SPAG16: variants seen among roughly 807,000 people sequenced by gnomAD.
The protein encoded by SPAG16 is sperm-associated antigen 16 protein.
SPAG16 carries 86 observed loss-of-function variants against 80.4 expected under a neutral mutation model. The observed-to-expected ratio is 1.07, with a 90% confidence interval of 0.90 to 1.28. SPAG16 has a LOEUF of 1.28. Ranked by LOEUF, SPAG16 falls within the 50% of genes most tolerant of loss-of-function variation. The pLI, the probability that SPAG16 is intolerant of heterozygous loss-of-function variation, is 0.00. For missense variants in SPAG16, 870 were observed against 765.3 expected (o/e 1.14, Z -1.61); for synonymous variants, 294 against 265.9 (o/e 1.11, Z -1.03).
chr2:213,285,780 T>C (rs1257618462), intron 1 of SPAG16: 2 of 587,560 alleles, frequency 3.4e-6, no homozygotes, highest in Non-Finnish European at 5.3e-6. Flanking sequence ...AATATATGGG[T>C]GCTTTAGTGT....
chr2:213,895,045 A>T lies in SPAG16; in HGVS notation c.1214+32417A>T, dbSNP rs192233293. ...CTGAAAGACTCTACCAAAAAACAGT[A>T]AGAATTGATAAATGAATTCAGTAAA... On this transcript the variant is annotated intron_variant, in intron 11 of 15. Transcript: ENST00000331683. Among the ~76,000 whole-genome samples the T allele has an allele frequency of 6.6e-5, 10 of 150,576 alleles. No homozygotes were observed. The East Asian group carries it at 2.0e-3, about 30-fold the overall frequency.
Position 213,797,794 on chromosome 2 carries a change from T to C in SPAG16, c.1071-64691T>C, listed in dbSNP as rs562360068. ...GCTGCTGTGAGCATTTATGTACAAG[T>C]CTTTGTGTAGACATCTGCTTTCATT... On this transcript the variant is annotated intron_variant, in intron 10 of 15. Transcript: ENST00000331683. 1.6e-4 allele frequency among the ~76,000 whole-genome samples: 24 copies of C among 152,334 alleles called. No individual in the cohort carries two copies. The East Asian group carries it at 2.7e-3, about 17-fold the overall frequency.
Position 213,814,207 on chromosome 2 carries a change from AT to A in SPAG16, c.1071-48277del, listed in dbSNP as rs2072371400. On this transcript the variant is annotated intron_variant, in intron 10 of 15. Coordinates refer to ENST00000331683, the MANE Select transcript of SPAG16 (RefSeq NM_024532.5). ...AAATCTGCAGGCTGGAAACACAGGCATGGTTTCTAATTCTGCAGTGTTGAGG... is the reference window on the plus strand; with the variant it reads ...AAATCTGCAGGCTGGAAACACAGGCAGGTTTCTAATTCTGCAGTGTTGAGG... 3.3e-5 allele frequency among the ~76,000 whole-genome samples: 5 copies of A among 152,306 alleles called. No individual in the cohort carries two copies. In the South Asian group the frequency reaches 1.0e-3, roughly 32 times the overall value.
chr2:214,334,817 G>A (rs1697169035), intron 15 of SPAG16, among the ~76,000 whole-genome samples: 1 of 152,174 alleles, frequency 6.6e-6, no homozygotes, highest in Non-Finnish European at 1.5e-5. Flanking sequence ...CATGTCAAGA[G>A]CTCTTTGTAC....
At chr2:214,386,201 C>T (rs867123168) in intron 15 of SPAG16, among the ~76,000 whole-genome samples, 3 of 151,966 alleles carry the variant, frequency 2.0e-5, no homozygotes, top group Admixed American at 6.6e-5. Flanking sequence ...AGGGTGAAAC[C>T]CCATATCTAC....
chr2:213,711,381 A>T (rs1006176452), intron 10 of SPAG16, among the ~76,000 whole-genome samples: 1 of 152,152 alleles, frequency 6.6e-6, no homozygotes, highest in African/African-American at 2.4e-5. Flanking sequence ...TTTACATAAG[A>T]CGTTAAAAGT....
At chr2:213,520,913 A>T (rs896215247) in intron 10 of SPAG16, among the ~76,000 whole-genome samples, 2 of 152,158 alleles carry the variant, frequency 1.3e-5, no homozygotes, top group Non-Finnish European at 2.9e-5. Flanking sequence ...CCTGCTCTTG[A>T]TCCTCAGAGG....
At chr2:213,443,223 G>A (rs190717190) in intron 9 of SPAG16, among the ~76,000 whole-genome samples, 8 of 152,216 alleles carry the variant, frequency 5.3e-5, no homozygotes, top group Admixed American at 5.2e-4. Context: ...CAATATTATT[G>A]ATTATAGTCC....
At chr2:213,725,625 T>C (rs553591309) in intron 10 of SPAG16, among the ~76,000 whole-genome samples, 10 of 152,236 alleles carry the variant, frequency 6.6e-5, no homozygotes, top group Non-Finnish European at 1.2e-4. Flanking sequence ...GGAATTTACA[T>C]AAAGAAGAGG....
intron 9 of SPAG16, among the ~76,000 whole-genome samples, chr2:213,388,281 T>C (rs2067557785): frequency 1.3e-5 from 2 of 152,202 alleles, no homozygotes; most frequent in African/African-American, 4.8e-5. Context: ...AAGAGGGTTA[T>C]AGCAATTGTT....
intron 10 of SPAG16, among the ~76,000 whole-genome samples, chr2:213,832,321 A>G (rs796467933): frequency 1.1e-4 from 17 of 152,108 alleles, no homozygotes; most frequent in African/African-American, 4.1e-4. Context: ...GGGGCTCAGA[A>G]CACGATACCC....
intron 7 of SPAG16, among the ~76,000 whole-genome samples, chr2:213,354,034 C>A (rs974546271): frequency 6.6e-6 from 1 of 152,142 alleles, no homozygotes; most frequent in Non-Finnish European, 1.5e-5. Context: ...ATCCCTGTCC[C>A]AGCCCCACAC....
rs1263790881 is a variant in SPAG16 at position 214,283,704 on chromosome 2, AT to A, written c.1721-126431del. On this transcript the variant is annotated intron_variant, in intron 15 of 15. Coordinates refer to ENST00000331683, the MANE Select transcript of SPAG16 (RefSeq NM_024532.5). Reference sequence around the variant, plus strand: ...AATGCTTTCTGCTGATATTGGCAGAATTTTTGCTTGCTGCTCTAATAGTTTT... The same window carrying A: ...AATGCTTTCTGCTGATATTGGCAGAATTTTGCTTGCTGCTCTAATAGTTTT... Among the ~76,000 whole-genome samples the A allele has an allele frequency of 2.6e-5, 4 of 152,318 alleles. No individual in the cohort carries two copies. In the East Asian group the frequency reaches 5.8e-4, roughly 22 times the overall value.
chr2:213,715,324 G>A (rs1023066984), intron 10 of SPAG16, among the ~76,000 whole-genome samples: 1 of 151,878 alleles, frequency 6.6e-6, no homozygotes, highest in African/African-American at 2.4e-5. Flanking sequence ...ATGGAGGTGA[G>A]AAAACATTAA....
chr2:213,310,105 TAGA>T lies in SPAG16; in HGVS notation c.330_332del (p.Glu110del). The T allele has an allele frequency of 1.2e-6, 2 of 1,612,004 alleles. No individual in the cohort carries two copies. The highest frequency in any genetic ancestry group is 1.7e-6 in the Non-Finnish European group (2 of 1,178,724). On this transcript the variant is annotated inframe_deletion, in exon 4 of 16. Transcript: ENST00000331683. ...TCAAAGCATGCAGTACCTGAAGTAA[TAGA>T]AGACTTTCTCTGCAATTTCTTGATC...
chr2:213,914,863 T>A (rs2077875780), intron 11 of SPAG16, among the ~76,000 whole-genome samples: 1 of 152,194 alleles, frequency 6.6e-6, no homozygotes. Context: ...TTGTTTATTT[T>A]CCTTACAGAT....
intron 10 of SPAG16, among the ~76,000 whole-genome samples, chr2:213,572,523 G>T (rs989949326): frequency 4.0e-5 from 6 of 151,796 alleles, no homozygotes; most frequent in East Asian, 3.9e-4. Flanking sequence ...TGCCCCTGCT[G>T]GGGGGTGCCT....
At chr2:214,142,287 T>C (rs946805134) in intron 14 of SPAG16, among the ~76,000 whole-genome samples, 3 of 152,334 alleles carry the variant, frequency 2.0e-5, no homozygotes, top group Admixed American at 6.5e-5. Flanking sequence ...GAGTAATAGC[T>C]CTTTATTCAA....
chr2:214,279,189 C>T (rs893193893), intron 15 of SPAG16, among the ~76,000 whole-genome samples: 6 of 151,592 alleles, frequency 4.0e-5, no homozygotes, highest in African/African-American at 1.5e-4. Context: ...CTCCGCCTGC[C>T]GGGTACAAAC....
Sources: gnomAD v4.1 joint callset for allele counts (sites outside exome capture counted in the v4.1 genomes callset) on GRCh38, gnomAD v4.1.1 for gene constraint, MANE v1.5 for transcripts, NCBI Gene and HGNC (gene_info 2026-07-23, HGNC 2026-07-21) for gene names.